Variants in TMEM217 observed in about 807,000 individuals in gnomAD.
TMEM217 encodes the protein chromosome 6 open reading frame 128.
For missense variants in TMEM217, 204 were observed against 248.8 expected, an observed-to-expected ratio of 0.82 and a Z score of 1.21; for synonymous variants, 76 against 88.3, an observed-to-expected ratio of 0.86 and a Z score of 0.78.
At chr6:37,241,841 C>T (rs55914827) in intron 1 of TMEM217, among the ~76,000 whole-genome samples, 7,087 of 152,068 alleles carry the variant, frequency 0.047, 251 homozygotes, top group Admixed American at 0.092. Flanking sequence ...AATTTATGAC[C>T]TCTTCTCACT....
exon 2 of TMEM217, chr6:37,218,061 T>TG (rs765699115): frequency 4.0e-6 from 4 of 1,000,556 alleles, no homozygotes; most frequent in Non-Finnish European, 3.6e-6. Flanking sequence ...TAAGCAAAAG[T>TG]GGGGGGAAAA....
intron 1 of TMEM217, among the ~76,000 whole-genome samples, chr6:37,248,976 C>G (rs1765243446): frequency 6.6e-6 from 1 of 152,148 alleles, no homozygotes; most frequent in Non-Finnish European, 1.5e-5. Context: ...CCAGGTATTC[C>G]TTGGCTTGTG....
At chr6:37,237,116 G>T (rs1389770677) in intron 1 of TMEM217, among the ~76,000 whole-genome samples, 1 of 152,210 alleles carries the variant, frequency 6.6e-6, no homozygotes, top group African/African-American at 2.4e-5. Flanking sequence ...TTCTTTAGAA[G>T]TGAGTCACCA....
chr6:37,212,731 T>C (rs1398054823), downstream of TMEM217: 1 of 669,696 alleles, frequency 1.5e-6, no homozygotes, highest in Non-Finnish European at 2.8e-6. Context: ...GTAGATATTC[T>C]TGTGGATACA....
rs922969226 is a variant in TMEM217, at chr6:37,257,665, T to C, written c.-109A>G. 1.9e-6 allele frequency: 1 copy of C among 522,778 alleles called. No individual in the cohort carries two copies. The highest frequency in any genetic ancestry group is 3.4e-6 in the Non-Finnish European group (1 of 293,768). 32.4% of individuals were successfully genotyped at this position (522,778 alleles called of 1,614,324 possible). Reference sequence around the variant, plus strand: ...CCACCTGTGTGCCCAGCCCCTGACGTTACCGGTCGGCTTCAGCGGCCTGCA... The same window carrying C: ...CCACCTGTGTGCCCAGCCCCTGACGCTACCGGTCGGCTTCAGCGGCCTGCA... On this transcript the variant is annotated 5_prime_UTR_variant, in exon 1 of 2. It removes the in-frame stop codon of an upstream open reading frame in the 5' UTR. Transcript: ENST00000357219.
At chr6:37,212,837 T>G (rs1011817452), downstream of TMEM217, 1 of 1,132,016 alleles carries the variant, frequency 8.8e-7, no homozygotes, top group East Asian at 2.6e-5. Flanking sequence ...AGCTCCGACT[T>G]TGAGTCCACG....
chr6:37,212,661 T>C (rs1258420760), downstream of TMEM217: 1 of 573,624 alleles, frequency 1.7e-6, no homozygotes, highest in African/African-American at 1.8e-5. Context: ...GGAGCAGGAC[T>C]ATGGAGAAGT....
At chr6:37,237,484 G>A (rs1347065579) in intron 1 of TMEM217, among the ~76,000 whole-genome samples, 1 of 152,228 alleles carries the variant, frequency 6.6e-6, no homozygotes, top group Non-Finnish European at 1.5e-5. Context: ...ATTATTGCAA[G>A]TCTTGCAGAA....
rs559946755 is a variant in TMEM217, at chr6:37,232,975, A to G, written c.-11-13934T>C. 9.2e-5 allele frequency among the ~76,000 whole-genome samples: 14 copies of G among 151,542 alleles called. No individual in the cohort carries two copies. In the South Asian group the frequency reaches 1.3e-3, roughly 14 times the overall value. The stretch of plus-strand genomic sequence containing the variant: ...TCACTTTATACTCTCTTCTTTGGTA[A>G]CCTCACTGTGGTTCTGCTGCCATCT... On this transcript the variant is annotated intron_variant, in intron 1 of 1. Transcript: ENST00000357219.
exon 2 of TMEM217, chr6:37,218,447 G>A: frequency 6.2e-7 from 1 of 1,610,504 alleles, no homozygotes; most frequent in Non-Finnish European, 8.5e-7. Context: ...AAAGTACTGG[G>A]ATTCCAGGTG....
At chr6:37,250,843 G>A (rs1284121179) in intron 1 of TMEM217, among the ~76,000 whole-genome samples, 1 of 152,198 alleles carries the variant, frequency 6.6e-6, no homozygotes, top group African/African-American at 2.4e-5. Flanking sequence ...CAACCTTTAA[G>A]TTTACTTTAA....
intron 1 of TMEM217, among the ~76,000 whole-genome samples, chr6:37,241,546 T>G (rs967734576): frequency 6.6e-6 from 1 of 152,156 alleles, no homozygotes; most frequent in Non-Finnish European, 1.5e-5. Context: ...AAGGTCCCCA[T>G]TCTTGGGCTG....
At chr6:37,247,234 A>G (rs1385918962) in intron 1 of TMEM217, among the ~76,000 whole-genome samples, 1 of 152,106 alleles carries the variant, frequency 6.6e-6, no homozygotes, top group Non-Finnish European at 1.5e-5. Flanking sequence ...AGAGCTACTT[A>G]TGGTTAATTT....
chr6:37,250,989 C>T (rs1044091019), intron 1 of TMEM217, among the ~76,000 whole-genome samples: 1 of 151,906 alleles, frequency 6.6e-6, no homozygotes, highest in African/African-American at 2.4e-5. Flanking sequence ...GATTACTGCC[C>T]TTTTAAGAGG....
At chr6:37,217,494 A>G (rs1225711531), downstream of TMEM217, 1 of 378,258 alleles carries the variant, frequency 2.6e-6, no homozygotes, top group African/African-American at 2.2e-5. Context: ...TATATACACA[A>G]TGTTCAGTAC....
In TMEM217 at chr6:37,218,928, T is replaced by G. The variant is rs1242112565; in HGVS notation, c.103A>C (p.Lys35Gln). The G allele has an allele frequency of 2.5e-6, 4 of 1,614,028 alleles. No individual in the cohort carries two copies. Among genetic ancestry groups the G allele is most frequent in the Non-Finnish European group, 3.4e-6 (4 of 1,180,038 alleles). ...GTGCAACTGCCATTCCCTAGGTGCTTCTGTTCAAAGATGAGATACATGTCT... is the reference window on the plus strand; with the variant it reads ...GTGCAACTGCCATTCCCTAGGTGCTGCTGTTCAAAGATGAGATACATGTCT... The change falls in exon 2 of 2, where the codon AAG becomes CAG. Residue 35 changes from lysine (K) to glutamine (Q), a missense_variant. Coordinates refer to ENST00000357219, the Ensembl canonical transcript of TMEM217.
At chr6:37,257,288 T>A (rs1765805616) in intron 1 of TMEM217, among the ~76,000 whole-genome samples, 2 of 152,154 alleles carry the variant, frequency 1.3e-5, no homozygotes, top group Non-Finnish European at 2.9e-5. Flanking sequence ...GTTGAACAGT[T>A]AGCAATCCCG....
downstream of TMEM217, among the ~76,000 whole-genome samples, chr6:37,217,162 C>T (rs1239379647): frequency 6.6e-6 from 1 of 152,174 alleles, no homozygotes; most frequent in Non-Finnish European, 1.5e-5. Context: ...GGCATGGTGG[C>T]CTGTGCCTGT....
intron 1 of TMEM217, among the ~76,000 whole-genome samples, chr6:37,244,845 C>G (rs1281693887): frequency 6.6e-6 from 1 of 152,166 alleles, no homozygotes; most frequent in Non-Finnish European, 1.5e-5. Context: ...GTTGGCCAGG[C>G]AATTTTGTTG....
Sources: allele counts gnomAD v4.1 joint callset (sites outside exome capture counted in the v4.1 genomes callset), GRCh38; gene constraint gnomAD v4.1.1; transcripts MANE v1.5; gene names NCBI Gene and HGNC (gene_info 2026-07-23, HGNC 2026-07-21).